KCNH5: variants seen among roughly 807,000 people sequenced by gnomAD.
KCNH5 encodes the protein potassium voltage-gated channel subfamily H member 5, also known as voltage-gated delayed rectifier potassium channel KCNH5.
KCNH5 carries 46 observed loss-of-function variants against 96.1 expected under a neutral mutation model. The observed-to-expected ratio is 0.48, with a 90% CI of 0.38 to 0.61. The LOEUF (loss-of-function observed/expected upper bound fraction) is 0.61. Ranked by LOEUF, KCNH5 falls within the 20% of genes least tolerant of loss-of-function variation. The pLI, the probability that KCNH5 is intolerant of heterozygous loss-of-function variation, is 0.00. For synonymous variants in KCNH5, 439 were observed against 449.8 expected, an observed-to-expected ratio of 0.98 and a Z score of 0.30; for missense variants, 907 against 1,225.8, an observed-to-expected ratio of 0.74 and a Z score of 3.88.
rs574085193 is a variant in KCNH5, at chr14:62,919,881, C to T, written c.1369+30252G>A. On this transcript the variant is annotated intron_variant, in intron 7 of 10. Coordinates refer to ENST00000322893, the MANE Select transcript of KCNH5 (RefSeq NM_139318.5). ...TACATTTAAATATAGCATCATCAAA[C>T]CAAGCGGGGAGAGAGAGAGAGGTCA... is the stretch of plus-strand genomic sequence containing the variant. 1.4e-3 allele frequency among the ~76,000 whole-genome samples: 207 copies of T among 152,074 alleles called. 1 individual carries two copies. Among genetic ancestry groups the T allele is most frequent in the Non-Finnish European group, 1.7e-3 (117 of 67,978 alleles).
intron 10 of KCNH5, among the ~76,000 whole-genome samples, chr14:62,739,074 C>T (rs7157560): frequency 0.062 from 9,383 of 152,068 alleles, 808 homozygotes; most frequent in African/African-American, 0.19. Context: ...GGTAACTTTA[C>T]CTATAATTAG....
intron 10 of KCNH5, among the ~76,000 whole-genome samples, chr14:62,735,464 C>G (rs1885136811): frequency 6.6e-6 from 1 of 152,180 alleles, no homozygotes; most frequent in Non-Finnish European, 1.5e-5. Context: ...GTCTTCTTCA[C>G]ACAATACCTA....
At chr14:62,947,254 T>C (rs543733218) in intron 7 of KCNH5, among the ~76,000 whole-genome samples, 3 of 152,276 alleles carry the variant, frequency 2.0e-5, no homozygotes, top group Admixed American at 6.5e-5. Flanking sequence ...TTAAAAGTAG[T>C]ATGGTGCTAA....
chr14:62,711,673 C>G (rs1217506264), intron 10 of KCNH5, among the ~76,000 whole-genome samples: 1 of 152,130 alleles, frequency 6.6e-6, no homozygotes, highest in African/African-American at 2.4e-5. Context: ...TTTAGAGAGC[C>G]AAAGTTCCCC....
At chr14:63,016,991 T>C in intron 1 of KCNH5, 37 bp from the exon 2 acceptor site, 2 of 1,585,958 alleles carry the variant, frequency 1.3e-6, no homozygotes, top group Non-Finnish European at 8.6e-7. Context: ...GTTATTTAGC[T>C]TAATTCAACA....
At chr14:62,852,898 A>C (rs1484038817) in intron 7 of KCNH5, among the ~76,000 whole-genome samples, 1 of 152,142 alleles carries the variant, frequency 6.6e-6, no homozygotes, top group Non-Finnish European at 1.5e-5. Context: ...ATCTCAGTAG[A>C]AGCTCCCTCT....
Position 62,730,893 on chromosome 14 carries a change from T to C in KCNH5, c.2020-22438A>G, listed in dbSNP as rs184192162. Among the ~76,000 whole-genome samples, 51 of 152,300 alleles carry C rather than the reference T, an allele frequency of 3.3e-4. No homozygotes were observed. In the East Asian group the frequency reaches 9.1e-3, roughly 27 times the overall value. On this transcript the variant is annotated intron_variant, in intron 10 of 10. Transcript: ENST00000322893. ...AACACTTAGTATAGATGGAAGGTGG[T>C]AGCTATAGCATGTAGAACTCCTTTC...
chr14:62,980,759 A>C, intron 6 of KCNH5, 113 bp downstream of exon 6: 1 of 1,118,796 alleles, frequency 8.9e-7, no homozygotes, highest in African/African-American at 1.6e-5. Flanking sequence ...GGTTTCAAGA[A>C]AGTTGAAAGT....
intron 10 of KCNH5, among the ~76,000 whole-genome samples, chr14:62,723,792 G>C (rs1884865517): frequency 6.6e-6 from 1 of 152,222 alleles, no homozygotes; most frequent in Non-Finnish European, 1.5e-5. Flanking sequence ...TATTTTATCA[G>C]AATAGTGTAG....
intron 7 of KCNH5, among the ~76,000 whole-genome samples, chr14:62,861,637 T>TACACACACACACACACAC (rs142699720): frequency 2.6e-4 from 37 of 141,826 alleles, no homozygotes; most frequent in African/African-American, 8.0e-4. Flanking sequence ...CATCTCCATT[T>TACACACACACACACACAC]ACACACACAC....
At chr14:63,007,004 A>T (rs943162307) in intron 2 of KCNH5, among the ~76,000 whole-genome samples, 1 of 152,216 alleles carries the variant, frequency 6.6e-6, no homozygotes. Context: ...ACTAAAGTCC[A>T]CCAAAGAAAT....
intron 1 of KCNH5, among the ~76,000 whole-genome samples, chr14:63,026,972 A>T (rs1338252150): frequency 6.6e-6 from 1 of 152,104 alleles, no homozygotes; most frequent in Admixed American, 6.6e-5. Context: ...TCAACAGATG[A>T]ATAACGAAAA....
At chr14:62,833,977 T>C (rs1034392797) in intron 8 of KCNH5, among the ~76,000 whole-genome samples, 3 of 152,100 alleles carry the variant, frequency 2.0e-5, no homozygotes, top group Non-Finnish European at 2.9e-5. Flanking sequence ...TCTCTACTAC[T>C]CTAACAAATC....
chr14:62,863,162 T>C (rs1042758064), intron 7 of KCNH5, among the ~76,000 whole-genome samples: 2 of 152,202 alleles, frequency 1.3e-5, no homozygotes, highest in East Asian at 3.9e-4. Context: ...ATATCTTCTA[T>C]AAATCTAATG....
At chr14:62,739,382 T>G (rs1031453475) in intron 10 of KCNH5, among the ~76,000 whole-genome samples, 1 of 152,216 alleles carries the variant, frequency 6.6e-6, no homozygotes, top group East Asian at 1.9e-4. Flanking sequence ...AAGCCTACAG[T>G]TGGCTAAGGC....
At chr14:62,958,762 T>C (rs1234770684) in intron 6 of KCNH5, among the ~76,000 whole-genome samples, 3 of 152,186 alleles carry the variant, frequency 2.0e-5, no homozygotes. Context: ...AACTGTATTA[T>C]GAACTGCTCA....
chr14:62,775,168 G>C (rs555312294), intron 10 of KCNH5, among the ~76,000 whole-genome samples: 1 of 152,222 alleles, frequency 6.6e-6, no homozygotes, highest in East Asian at 1.9e-4. Flanking sequence ...TAACACTGTA[G>C]TTGTCTAGCA....
chr14:62,896,466 C>T (rs1007314627), intron 7 of KCNH5, among the ~76,000 whole-genome samples: 1 of 152,116 alleles, frequency 6.6e-6, no homozygotes, highest in South Asian at 2.1e-4. Context: ...TGTGAAGGAG[C>T]CTCCCTTTCA....
intron 7 of KCNH5, among the ~76,000 whole-genome samples, chr14:62,889,688 A>C (rs1888665822): frequency 6.6e-6 from 1 of 152,342 alleles, no homozygotes; most frequent in Non-Finnish European, 1.5e-5. Context: ...TTCAGTACCT[A>C]TAATGTTTGG....
Sources: allele counts gnomAD v4.1 joint callset (sites outside exome capture counted in the v4.1 genomes callset), GRCh38; gene constraint gnomAD v4.1.1; transcripts MANE v1.5; gene names NCBI Gene and HGNC (gene_info 2026-07-23, HGNC 2026-07-21).